Variants in SLC24A4 observed in about 807,000 individuals in gnomAD.
The protein encoded by SLC24A4 is sodium/potassium/calcium exchanger 4.
SLC24A4 carries 53 observed loss-of-function variants against 79.0 expected under a neutral mutation model. The observed-to-expected ratio is 0.67, with a 90% CI of 0.54 to 0.84. The LOEUF (loss-of-function observed/expected upper bound fraction) is 0.84, where lower values mean the gene tolerates loss of function less well. Among genes scored for constraint, SLC24A4 ranks in the 40% least tolerant of loss-of-function variants. The pLI is 0.00. For missense variants in SLC24A4, 731 were observed against 822.0 expected, an observed-to-expected ratio of 0.89 and a Z score of 1.35; for synonymous variants, 323 against 323.8, an observed-to-expected ratio of 1.00 and a Z score of 0.03.
intron 2 of SLC24A4, among the ~76,000 whole-genome samples, chr14:92,342,838 T>C (rs947096234): frequency 2.0e-5 from 3 of 152,224 alleles, no homozygotes; most frequent in Admixed American, 1.3e-4. Flanking sequence ...TGGATCTGGC[T>C]CCTCTGTGCC....
intron 2 of SLC24A4, among the ~76,000 whole-genome samples, chr14:92,372,628 A>G (rs532129394): frequency 1.9e-3 from 282 of 152,266 alleles, no homozygotes; most frequent in Middle Eastern, 0.017. Flanking sequence ...CACATAATCC[A>G]GGTCCATGTT....
intron 11 of SLC24A4, 142 bp downstream of exon 11, chr14:92,454,211 C>T: frequency 2.6e-6 from 2 of 762,542 alleles, no homozygotes; most frequent in Non-Finnish European, 4.1e-6. Flanking sequence ...TGCCCATCAG[C>T]CACAGGCAGC....
Position 92,325,935 on chromosome 14 carries a change from C to T in SLC24A4, c.198C>T (p.Ala66=). 6.2e-7 allele frequency: 1 copy of T among 1,613,038 alleles called. No homozygotes were observed. Among genetic ancestry groups the T allele is most frequent in the East Asian group, 2.2e-5 (1 of 44,886 alleles). Residue 66 remains alanine (A), a synonymous_variant, in exon 2 of 17, where the codon GCC becomes GCT. Transcript: ENST00000532405. ...PDTWRNRKLM[A]PVNGTQTAKN... is the part of the protein sequence containing the mutation. ...CGTGGAGAAATAGAAAGTTGATGGC[C>T]CCAGTGAATGGGACACAGACAGCCA...
chr14:92,445,971 A>C (rs1210488754), intron 8 of SLC24A4, among the ~76,000 whole-genome samples: 2 of 152,300 alleles, frequency 1.3e-5, no homozygotes, highest in East Asian at 3.9e-4. Flanking sequence ...CTGAGGTGGG[A>C]GAATGGCTTG....
intron 10 of SLC24A4, 23 bp from the exon 11 acceptor site, chr14:92,453,877 A>G (rs777505690): frequency 6.3e-7 from 1 of 1,595,570 alleles, no homozygotes; most frequent in African/African-American, 1.4e-5. Flanking sequence ...GATCAGCACT[A>G]ATCACGGTGT....
At chr14:92,368,334 G>C (rs72695111) in intron 2 of SLC24A4, among the ~76,000 whole-genome samples, 1 of 152,186 alleles carries the variant, frequency 6.6e-6, no homozygotes, top group African/African-American at 2.4e-5. Flanking sequence ...TAAGACGGGG[G>C]CTCCAGTATG....
intron 2 of SLC24A4, among the ~76,000 whole-genome samples, chr14:92,396,861 C>T (rs931512207): frequency 6.6e-5 from 10 of 152,192 alleles, no homozygotes; most frequent in African/African-American, 1.4e-4. Flanking sequence ...CTGCTCTGCA[C>T]GCTGCACTCC....
intron 2 of SLC24A4, among the ~76,000 whole-genome samples, chr14:92,397,015 T>C (rs7151174): frequency 0.47 from 70,879 of 152,188 alleles, 18,218 homozygotes; most frequent in African/African-American, 0.69. Context: ...ATCTGGCAAG[T>C]AACTTTGTAA....
intron 2 of SLC24A4, among the ~76,000 whole-genome samples, chr14:92,379,691 C>G (rs1408393302): frequency 6.6e-6 from 1 of 152,126 alleles, no homozygotes; most frequent in Non-Finnish European, 1.5e-5. Context: ...TCCATTTGTG[C>G]CATCTTGAGT....
At chr14:92,329,720 T>C (rs982775890) in intron 2 of SLC24A4, among the ~76,000 whole-genome samples, 20 of 152,212 alleles carry the variant, frequency 1.3e-4, no homozygotes, top group African/African-American at 4.8e-4. Flanking sequence ...TGGCCCAGGG[T>C]GGCCTCAAAC....
intron 2 of SLC24A4, among the ~76,000 whole-genome samples, chr14:92,406,631 A>G (rs10149230): frequency 0.75 from 113,550 of 152,088 alleles, 42,985 homozygotes; most frequent in East Asian, 0.97. Context: ...CTGGGGGATT[A>G]CATCCTCTGA....
intron 12 of SLC24A4, among the ~76,000 whole-genome samples, chr14:92,467,516 C>G (rs534716503): frequency 6.6e-6 from 1 of 152,226 alleles, no homozygotes; most frequent in South Asian, 2.1e-4. Flanking sequence ...AAAAGTGGGT[C>G]TTGGGAATTT....
intron 2 of SLC24A4, among the ~76,000 whole-genome samples, chr14:92,383,249 A>G (rs10146355): frequency 0.68 from 103,400 of 152,020 alleles, 36,461 homozygotes; most frequent in African/African-American, 0.85. Flanking sequence ...GATATGGGGC[A>G]CCCCCCACTC....
intron 2 of SLC24A4, among the ~76,000 whole-genome samples, chr14:92,412,037 C>G (rs1890745308): frequency 3.3e-5 from 5 of 152,184 alleles, no homozygotes; most frequent in Admixed American, 3.3e-4. Context: ...ATGGCGGGAT[C>G]AGGATCGGCT....
chr14:92,355,979 T>C (rs1468314901), intron 2 of SLC24A4, among the ~76,000 whole-genome samples: 1 of 152,234 alleles, frequency 6.6e-6, no homozygotes, highest in Non-Finnish European at 1.5e-5. Flanking sequence ...TAGGATTTTT[T>C]TGACTTTACG....
At chr14:92,408,422 T>C in intron 2 of SLC24A4, 1 of 985,398 alleles carries the variant, frequency 1.0e-6, no homozygotes, top group Non-Finnish European at 1.2e-6. Context: ...AGCTCTCCTA[T>C]CTCTGCAAAC....
chr14:92,384,560 G>A (rs1889040215), intron 2 of SLC24A4, among the ~76,000 whole-genome samples: 1 of 152,108 alleles, frequency 6.6e-6, no homozygotes, highest in Non-Finnish European at 1.5e-5. Flanking sequence ...TACATTCGGT[G>A]TAGGGACAGG....
intron 2 of SLC24A4, among the ~76,000 whole-genome samples, chr14:92,408,166 A>AGTGTGTGTGTGTGTGTGTGTGTGTGT (rs143375295): frequency 2.2e-5 from 3 of 136,826 alleles, no homozygotes; most frequent in South Asian, 2.6e-4. Context: ...TTGCTACAGC[A>AGTGTGTGTGTGTGTGTGTGTGTGTGT]GTGTGTGTGT....
intron 12 of SLC24A4, among the ~76,000 whole-genome samples, chr14:92,467,675 T>C (rs7154848): frequency 0.7 from 105,900 of 151,982 alleles, 37,535 homozygotes; most frequent in Non-Finnish European, 0.76. Context: ...CAGGCCAGTG[T>C]AGCATGTGCT....
Sources: gnomAD v4.1 joint callset for allele counts (sites outside exome capture counted in the v4.1 genomes callset) on GRCh38, gnomAD v4.1.1 for gene constraint, MANE v1.5 for transcripts, NCBI Gene and HGNC (gene_info 2026-07-23, HGNC 2026-07-21) for gene names.